The following ARB2A variants were observed in gnomAD, a reference collection of about 807,000 sequenced individuals.
ARB2A encodes the protein ARB2 cotranscriptional regulator A.
chr5:94,065,541 C>T, the ARB2A span, among the ~76,000 whole-genome samples: 1 of 151,964 alleles, frequency 6.6e-6, no homozygotes, highest in Admixed American at 6.6e-5. Flanking sequence ...AAAGACATTC[C>T]ATGCAAACGA....
chr5:94,066,447 C>CAA, the ARB2A span, among the ~76,000 whole-genome samples: 7 of 151,336 alleles, frequency 4.6e-5, no homozygotes, highest in Non-Finnish European at 7.4e-5. Flanking sequence ...CACACACACA[C>CAA]ACACACACAC....
the ARB2A span, among the ~76,000 whole-genome samples, chr5:93,678,423 G>T: frequency 6.6e-6 from 1 of 152,098 alleles, no homozygotes; most frequent in Non-Finnish European, 1.5e-5. Flanking sequence ...ATCAAGGTGG[G>T]CAGAAGAAAT....
At chr5:93,636,181 T>G in the ARB2A span, among the ~76,000 whole-genome samples, 1 of 152,324 alleles carries the variant, frequency 6.6e-6, no homozygotes, top group African/African-American at 2.4e-5. Context: ...TATATCTTGC[T>G]TTGTGGCCAC....
chr5:93,800,280 T>C, the ARB2A span, among the ~76,000 whole-genome samples: 1 of 152,010 alleles, frequency 6.6e-6, no homozygotes, highest in Non-Finnish European at 1.5e-5. Context: ...ACATATGCTA[T>C]GAAAACTTTA....
chr5:94,038,956 G>A, the ARB2A span, among the ~76,000 whole-genome samples: 9 of 152,052 alleles, frequency 5.9e-5, no homozygotes, highest in Non-Finnish European at 1.2e-4. Flanking sequence ...ACTATCCTCT[G>A]TATACTCTCC....
the ARB2A span, among the ~76,000 whole-genome samples, chr5:93,721,877 A>G: frequency 6.6e-6 from 1 of 152,298 alleles, no homozygotes; most frequent in African/African-American, 2.4e-5. Flanking sequence ...TAGAAGAAAA[A>G]TTATAGGAAT....
the ARB2A span, among the ~76,000 whole-genome samples, chr5:93,959,419 G>A: frequency 4.6e-5 from 7 of 151,774 alleles, no homozygotes; most frequent in East Asian, 1.9e-4. Flanking sequence ...AGTTGCCCAC[G>A]GTCACACAAC....
At chr5:94,043,973 T>C in the ARB2A span, among the ~76,000 whole-genome samples, 1 of 152,248 alleles carries the variant, frequency 6.6e-6, no homozygotes, top group Non-Finnish European at 1.5e-5. Flanking sequence ...AGAAATTATG[T>C]TTCAAGAATT....
chr5:93,807,816 A>AG, the ARB2A span, among the ~76,000 whole-genome samples: 3 of 151,966 alleles, frequency 2.0e-5, no homozygotes, highest in Non-Finnish European at 4.4e-5. Flanking sequence ...CATCCAAATT[A>AG]GGGGGAAAAA....
chr5:93,842,586 G>A, the ARB2A span, among the ~76,000 whole-genome samples: 2 of 152,138 alleles, frequency 1.3e-5, no homozygotes. Flanking sequence ...CATTTTGGAA[G>A]AGAGAGCAGA....
the ARB2A span, among the ~76,000 whole-genome samples, chr5:93,828,067 G>A: frequency 0.82 from 124,619 of 151,898 alleles, 51,444 homozygotes; most frequent in East Asian, 0.95. Flanking sequence ...TTGACTTGGC[G>A]ATGTGGGCTC....
the ARB2A span, among the ~76,000 whole-genome samples, chr5:93,732,195 G>T: frequency 1.3e-5 from 2 of 152,120 alleles, no homozygotes; most frequent in Non-Finnish European, 2.9e-5. Flanking sequence ...ATTTCACTGG[G>T]TATTGGGGTG....
chr5:93,816,117 TA>T, the ARB2A span, among the ~76,000 whole-genome samples: 1 of 152,212 alleles, frequency 6.6e-6, no homozygotes, highest in Non-Finnish European at 1.5e-5. Context: ...TCCTAACTTT[TA>T]AAAGTTAAAT....
the ARB2A span, among the ~76,000 whole-genome samples, chr5:93,942,639 C>T: frequency 1.1e-4 from 17 of 151,272 alleles, no homozygotes; most frequent in Admixed American, 9.2e-4. Flanking sequence ...ACTACAAGAT[C>T]ACAATAATCA....
chr5:93,724,561 T>C, the ARB2A span, among the ~76,000 whole-genome samples: 1 of 152,096 alleles, frequency 6.6e-6, no homozygotes, highest in African/African-American at 2.4e-5. Flanking sequence ...TTGTAATTAA[T>C]GAAATAAAAT....
At chr5:94,077,266 G>A in the ARB2A span, among the ~76,000 whole-genome samples, 2 of 151,792 alleles carry the variant, frequency 1.3e-5, no homozygotes, top group African/African-American at 4.8e-5. Flanking sequence ...CCACCTACTC[G>A]GGAGGCTGAG....
At chr5:93,647,477 C>T in the ARB2A span, among the ~76,000 whole-genome samples, 6,684 of 152,084 alleles carry the variant, frequency 0.044, 298 homozygotes, top group East Asian at 0.23. Context: ...CCGCTGGCCT[C>T]GGCCTCCCGA....
chr5:93,974,004 G>A, the ARB2A span, among the ~76,000 whole-genome samples: 1 of 152,184 alleles, frequency 6.6e-6, no homozygotes, highest in African/African-American at 2.4e-5. Flanking sequence ...AGACTACCAT[G>A]CAACTAGCTA....
chr5:94,096,805 G>A, the ARB2A span, among the ~76,000 whole-genome samples: 22 of 152,246 alleles, frequency 1.4e-4, no homozygotes, highest in East Asian at 9.7e-4. Flanking sequence ...GAGAAAGGAC[G>A]CAGACCCTGG....
Sources: allele counts gnomAD v4.1 joint callset (sites outside exome capture counted in the v4.1 genomes callset), GRCh38; gene constraint gnomAD v4.1.1; transcripts MANE v1.5; gene names NCBI Gene and HGNC (gene_info 2026-07-23, HGNC 2026-07-21).